The following PCDHA13 variants were observed in gnomAD, a reference collection of about 807,000 sequenced individuals.
The protein encoded by PCDHA13 is protocadherin alpha 13.
In PCDHA13, 54 loss-of-function variants were observed where a neutral mutation model predicts 64.8. That is an observed-to-expected ratio of 0.83 (90% CI 0.67 to 1.04). The LOEUF is 1.04. Among genes scored for constraint, PCDHA13 ranks in the 50% least tolerant of loss-of-function variants. The probability of loss-of-function intolerance (pLI) is 0.00; values close to 1 mark genes in which losing one functional copy is unlikely to be tolerated. For synonymous variants in PCDHA13, 587 were observed against 564.4 expected, an observed-to-expected ratio of 1.04 and a Z score of -0.57; for missense variants, 1,248 against 1,254.3, an observed-to-expected ratio of 0.99 and a Z score of 0.08.
Position 141,010,240 on chromosome 5 carries a change from G to A in PCDHA13, c.*303G>A. The A allele has an allele frequency of 6.4e-7, 1 of 1,551,928 alleles. No homozygotes were observed. The highest frequency in any genetic ancestry group is 8.7e-7 in the Non-Finnish European group (1 of 1,147,042). ...GGCTTCCCAGCCCCGCCAGTGAGAGGTTGGACTCTCTGCCCTGTGCTCCGG... is the reference window on the plus strand; with the variant it reads ...GGCTTCCCAGCCCCGCCAGTGAGAGATTGGACTCTCTGCCCTGTGCTCCGG... On this transcript the variant is annotated 3_prime_UTR_variant, in exon 4 of 4. Coordinates refer to ENST00000289272, the MANE Select transcript of PCDHA13 (RefSeq NM_018904.3).
chr5:140,938,215 G>C (rs1270663444), intron 1 of PCDHA13, among the ~76,000 whole-genome samples: 3 of 152,100 alleles, frequency 2.0e-5, no homozygotes, highest in Non-Finnish European at 4.4e-5. Context: ...CAAAGTGCTG[G>C]GATTACAGGC....
chr5:140,982,943 A>G (rs2097017074), intron 3 of PCDHA13, among the ~76,000 whole-genome samples: 1 of 151,992 alleles, frequency 6.6e-6, no homozygotes, highest in Admixed American at 6.5e-5. Flanking sequence ...CTTTTGGTTG[A>G]AGACTATGGA....
chr5:140,929,164 G>A (rs1554206780), intron 1 of PCDHA13: 10 of 1,614,150 alleles, frequency 6.2e-6, no homozygotes, highest in East Asian at 2.2e-5. Context: ...TCTCTATCGG[G>A]CCTCTCTGGG....
intron 1 of PCDHA13, among the ~76,000 whole-genome samples, chr5:140,965,466 A>C (rs1364686627): frequency 2.6e-5 from 4 of 152,002 alleles, no homozygotes; most frequent in Non-Finnish European, 4.4e-5. Flanking sequence ...GATAAATCCC[A>C]GACTCCCACA....
chr5:140,946,611 A>T (rs868983636), intron 1 of PCDHA13, among the ~76,000 whole-genome samples: 1 of 86,804 alleles, frequency 1.2e-5, no homozygotes, highest in Admixed American at 1.2e-4. Context: ...GAAAATGTGA[A>T]ATATATATAT....
intron 2 of PCDHA13, among the ~76,000 whole-genome samples, chr5:140,981,682 C>T (rs2096944253): frequency 6.6e-6 from 1 of 151,668 alleles, no homozygotes; most frequent in South Asian, 2.1e-4. Flanking sequence ...TCCTTCCTCC[C>T]TTCCATCATT....
intron 1 of PCDHA13, among the ~76,000 whole-genome samples, chr5:140,921,910 A>G (rs1474219286): frequency 6.6e-6 from 1 of 152,086 alleles, no homozygotes; most frequent in Non-Finnish European, 1.5e-5. Context: ...TATATATTAC[A>G]TGATAAAACT....
At chr5:140,939,011 CT>C (rs1302482579) in intron 1 of PCDHA13, among the ~76,000 whole-genome samples, 3 of 152,262 alleles carry the variant, frequency 2.0e-5, no homozygotes, top group South Asian at 2.1e-4. Flanking sequence ...AGAAGTGTTA[CT>C]TTTCTTTTAC....
At chr5:140,966,710 G>C in intron 1 of PCDHA13, 1 of 1,391,664 alleles carries the variant, frequency 7.2e-7, no homozygotes, top group African/African-American at 1.5e-5. Context: ...GTGGGGCACG[G>C]CTGGGGAAGC....
At chr5:140,982,312 T>C in intron 2 of PCDHA13, 163 bp from the exon 3 acceptor site, 1 of 1,315,948 alleles carries the variant, frequency 7.6e-7, no homozygotes, top group Non-Finnish European at 1.0e-6. Context: ...TTCTGCAGTT[T>C]ATGCAGGGTG....
At chr5:140,906,253 A>C (rs1049653184) in intron 1 of PCDHA13, among the ~76,000 whole-genome samples, 5 of 152,064 alleles carry the variant, frequency 3.3e-5, no homozygotes, top group South Asian at 2.1e-4. Flanking sequence ...ACCCATACAC[A>C]CCTCCTGAAA....
intron 1 of PCDHA13, among the ~76,000 whole-genome samples, chr5:140,935,180 T>C (rs781934014): frequency 3.9e-5 from 6 of 152,214 alleles, no homozygotes; most frequent in Non-Finnish European, 7.3e-5. Flanking sequence ...TTATTGCTGC[T>C]GGGTCAGTTG....
At chr5:140,895,868 A>G (rs555320203) in intron 1 of PCDHA13, among the ~76,000 whole-genome samples, 5 of 152,228 alleles carry the variant, frequency 3.3e-5, no homozygotes, top group Admixed American at 6.5e-5. Flanking sequence ...CTGGAGTGCA[A>G]TGGCGCGATC....
intron 3 of PCDHA13, among the ~76,000 whole-genome samples, chr5:140,989,535 GTT>G (rs2097346543): frequency 6.6e-6 from 1 of 152,178 alleles, no homozygotes; most frequent in Non-Finnish European, 1.5e-5. Context: ...GAGGAAGATA[GTT>G]TGTAATTCCT....
At position 140,882,531 on chromosome 5, in the gene PCDHA13, C is replaced by A. The variant is rs781969592; in HGVS notation, c.263C>A (p.Ser88Tyr). 2 of 1,614,218 alleles carry A rather than the reference C, an allele frequency of 1.2e-6. No individual in the cohort carries two copies. The highest frequency in any genetic ancestry group is 1.7e-6 in the Non-Finnish European group (2 of 1,180,050). The stretch of plus-strand genomic sequence containing the variant: ...CAGAATGGCATTTTGTTTGTGAATT[C>A]TCGGATCGACCGCGAGGAGCTGTGT... ...NLQNGILFVN[S>Y]RIDREELCGR... The change falls in exon 1 of 4, where the codon TCT (serine) becomes TAT (tyrosine). Residue 88 changes from serine to tyrosine, a missense_variant. Ser to Tyr is a moderately radical substitution (Grantham distance 144). Transcript: ENST00000289272.
chr5:140,884,935 A>G lies in PCDHA13; in HGVS notation c.2394+273A>G, dbSNP rs577267570. ...AATAGTTCTAAGTATTTATCTTGCA[A>G]TTGAGCATTTACAAAAAATTCCTCA... On this transcript the variant is annotated intron_variant, in intron 1 of 3. Coordinates refer to ENST00000289272, the MANE Select transcript of PCDHA13 (RefSeq NM_018904.3). Among the ~76,000 whole-genome samples, 4 of 152,344 alleles carry G rather than the reference A, an allele frequency of 2.6e-5. No homozygotes were observed. In the East Asian group the frequency reaches 5.8e-4, roughly 22 times the overall value.
chr5:140,884,198 C>G lies in PCDHA13; in HGVS notation c.1930C>G (p.His644Asp). ...CCCTCTGGACGAGGTGGACGCGCCG[C>G]ACCACCGCCTTCTGGTGCTGGTGAA... ...TRPLDEVDAP[H>D]HRLLVLVKDH... The change falls in exon 1 of 4, where the codon CAC becomes GAC. Residue 644 changes from histidine to aspartate, a missense_variant. Transcript: ENST00000289272. 1 of 1,613,442 alleles carries G rather than the reference C, an allele frequency of 6.2e-7. No homozygotes were observed. Among genetic ancestry groups the G allele is most frequent in the Non-Finnish European group, 8.5e-7 (1 of 1,179,752 alleles).
At chr5:140,989,644 T>C (rs1284720942) in intron 3 of PCDHA13, among the ~76,000 whole-genome samples, 3 of 152,232 alleles carry the variant, frequency 2.0e-5, no homozygotes, top group Non-Finnish European at 4.4e-5. Flanking sequence ...GGGTCTTTCA[T>C]GGCAATATTT....
intron 2 of PCDHA13, among the ~76,000 whole-genome samples, chr5:140,979,796 T>A (rs1322390860): frequency 3.3e-5 from 5 of 152,236 alleles, no homozygotes; most frequent in Non-Finnish European, 7.3e-5. Flanking sequence ...AAACAAATGA[T>A]CACAACTATC....
Sources: gnomAD v4.1 joint callset for allele counts (sites outside exome capture counted in the v4.1 genomes callset) on GRCh38, gnomAD v4.1.1 for gene constraint, MANE v1.5 for transcripts, NCBI Gene and HGNC (gene_info 2026-07-23, HGNC 2026-07-21) for gene names.